The following MUSK variants were observed in gnomAD, a reference collection of about 807,000 sequenced individuals.
MUSK encodes muscle associated receptor tyrosine kinase, also known as muscle, skeletal receptor tyrosine-protein kinase.
Under a neutral mutation model 88.7 loss-of-function variants are expected in MUSK, and 55 were observed. That is an observed-to-expected ratio of 0.62 (90% confidence interval 0.50 to 0.78). MUSK has a LOEUF of 0.78. MUSK is among the 30% of genes least tolerant of loss of function. MUSK has a pLI of 0.00. For synonymous variants in MUSK, 387 were observed against 391.9 expected (o/e 0.99, Z 0.15); for missense variants, 1,015 against 1,074.3 (o/e 0.94, Z 0.77).
chr9:110,717,862 C>A (rs1248747482), intron 5 of MUSK, among the ~76,000 whole-genome samples: 1 of 151,992 alleles, frequency 6.6e-6, no homozygotes, highest in Non-Finnish European at 1.5e-5. Flanking sequence ...CTTTGATTAC[C>A]AGTACTTTTA....
intron 7 of MUSK, chr9:110,761,776 G>C (rs1031210279): frequency 4.5e-6 from 1 of 222,386 alleles, no homozygotes. Flanking sequence ...GGGTTTCACC[G>C]TGTTAGCCAG....
At chr9:110,672,918 C>T (rs1407840960) in intron 1 of MUSK, among the ~76,000 whole-genome samples, 1 of 152,132 alleles carries the variant, frequency 6.6e-6, no homozygotes, top group Non-Finnish European at 1.5e-5. Flanking sequence ...AGCTTTTCTT[C>T]GGGTCCAGAA....
Position 110,800,689 on chromosome 9 carries a change from C to T in MUSK, c.2311C>T (p.Pro771Ser). Residue 771 changes from proline (P) to serine (S), a missense_variant, in exon 15 of 15, where the codon CCA (proline) becomes TCA (serine). By Grantham distance (74) the Pro-to-Ser change is moderately conservative. Transcript: ENST00000374448. ...NDAIPIRWMP[P>S]ESIFYNRYTT... ...CGCTATCCCTATCCGTTGGATGCCA[C>T]CAGAGTCCATTTTTTATAACCGCTA... 1.2e-6 allele frequency: 2 copies of T among 1,614,014 alleles called. No homozygotes were observed. The highest frequency in any genetic ancestry group is 2.2e-5 in the South Asian group (2 of 91,090).
At chr9:110,770,525 T>A (rs187071437) in intron 9 of MUSK, among the ~76,000 whole-genome samples, 72 of 147,556 alleles carry the variant, frequency 4.9e-4, no homozygotes, top group Admixed American at 1.8e-3. Context: ...TATAGCTCAC[T>A]ATATAATTAT....
chr9:110,791,544 GCCAT>G, intron 14 of MUSK, among the ~76,000 whole-genome samples: 1 of 40,536 alleles, frequency 2.5e-5, no homozygotes, highest in East Asian at 4.4e-4. Flanking sequence ...AGGGGCGCCC[GCCAT>G]TGCCCAGGCT....
intron 9 of MUSK, among the ~76,000 whole-genome samples, chr9:110,771,381 C>G (rs551948655): frequency 5.3e-5 from 8 of 152,018 alleles, no homozygotes; most frequent in African/African-American, 1.9e-4. Context: ...TGAGCCACCG[C>G]GCCCAGCCCT....
intron 8 of MUSK, among the ~76,000 whole-genome samples, chr9:110,763,389 C>T (rs2077429639): frequency 1.3e-5 from 2 of 150,612 alleles, no homozygotes; most frequent in South Asian, 4.2e-4. Flanking sequence ...ACTGCCTTAG[C>T]AGAGTAAAGT....
intron 1 of MUSK, among the ~76,000 whole-genome samples, chr9:110,676,376 T>G (rs73536264): frequency 0.32 from 23,594 of 73,402 alleles, 2,110 homozygotes; most frequent in African/African-American, 0.38. Flanking sequence ...TATATGTGTG[T>G]GTATGTGTAT....
intron 13 of MUSK, among the ~76,000 whole-genome samples, chr9:110,787,189 T>G (rs971705928): frequency 1.3e-5 from 2 of 151,922 alleles, no homozygotes; most frequent in Non-Finnish European, 2.9e-5. Context: ...AGTGAAACCC[T>G]GTCTCTACTA....
intron 11 of MUSK, among the ~76,000 whole-genome samples, chr9:110,776,892 C>T (rs113379745): frequency 3.9e-5 from 6 of 152,078 alleles, no homozygotes; most frequent in Non-Finnish European, 7.4e-5. Context: ...ATGCTATCTC[C>T]CACCTCAAGG....
At chr9:110,689,744 T>TTA (rs2076279669) in intron 3 of MUSK, among the ~76,000 whole-genome samples, 1 of 8,796 alleles carries the variant, frequency 1.1e-4, no homozygotes, top group Non-Finnish European at 2.0e-4. Context: ...TATATAATAT[T>TTA]ATATATTATA....
intron 8 of MUSK, 37 bp from the exon 9 acceptor site, chr9:110,767,783 G>T: frequency 6.2e-7 from 1 of 1,611,296 alleles, no homozygotes; most frequent in Non-Finnish European, 8.5e-7. Context: ...CCAAGAAATA[G>T]CATGTGATTA....
chr9:110,804,330 T>C lies in MUSK; in HGVS notation c.*3342T>C, dbSNP rs561456940. Among the ~76,000 whole-genome samples, 3 of 152,260 alleles carry C rather than the reference T, an allele frequency of 2.0e-5. No individual in the cohort carries two copies. The highest frequency in any genetic ancestry group is 1.9e-4 in the East Asian group (1 of 5,178). ...ATGTACAATATTAACACTTCTGTTA[T>C]GTGGTTTCATATTCTGCAGAAATAT... is the stretch of plus-strand genomic sequence containing the variant. On this transcript the variant is annotated 3_prime_UTR_variant, in exon 15 of 15. Coordinates refer to ENST00000374448, the MANE Select transcript of MUSK (RefSeq NM_005592.4).
intron 9 of MUSK, among the ~76,000 whole-genome samples, chr9:110,768,995 T>G (rs1428750571): frequency 6.6e-6 from 1 of 152,196 alleles, no homozygotes; most frequent in Non-Finnish European, 1.5e-5. Context: ...TTGAGCTAAA[T>G]AGAACAAAGT....
At chr9:110,735,212 C>T (rs2077014839) in intron 6 of MUSK, among the ~76,000 whole-genome samples, 1 of 152,042 alleles carries the variant, frequency 6.6e-6, no homozygotes, top group African/African-American at 2.4e-5. Flanking sequence ...ACTGGGTATA[C>T]AGTCAAAAGA....
chr9:110,760,459 A>C (rs1425290938), intron 7 of MUSK, among the ~76,000 whole-genome samples: 1 of 152,174 alleles, frequency 6.6e-6, no homozygotes, highest in African/African-American at 2.4e-5. Context: ...CTAATGCAGG[A>C]ACAGGAAACT....
At chr9:110,777,670 A>G (rs538772808) in intron 11 of MUSK, among the ~76,000 whole-genome samples, 39 of 152,222 alleles carry the variant, frequency 2.6e-4, no homozygotes, top group African/African-American at 9.4e-4. Context: ...TTGCTCACTC[A>G]TCCATTCAAA....
chr9:110,677,395 C>G (rs916042917), intron 1 of MUSK, among the ~76,000 whole-genome samples: 3 of 152,188 alleles, frequency 2.0e-5, no homozygotes, highest in African/African-American at 7.2e-5. Context: ...ACTTTTAGGT[C>G]CTTATTTAAC....
chr9:110,699,844 T>A (rs1160674372), intron 5 of MUSK, among the ~76,000 whole-genome samples: 1 of 152,162 alleles, frequency 6.6e-6, no homozygotes, highest in Non-Finnish European at 1.5e-5. Flanking sequence ...GATGCTGGGC[T>A]ACATGTAACA....
Sources: gnomAD v4.1 joint callset for allele counts (sites outside exome capture counted in the v4.1 genomes callset) on GRCh38, gnomAD v4.1.1 for gene constraint, MANE v1.5 for transcripts, NCBI Gene and HGNC (gene_info 2026-07-23, HGNC 2026-07-21) for gene names.